COL11A1: variants seen among roughly 807,000 people sequenced by gnomAD.
COL11A1 encodes the protein collagen alpha-1(XI) chain.
COL11A1 carries 74 observed loss-of-function variants against 265.2 expected under a neutral mutation model. The ratio of observed to expected loss-of-function variants is 0.28; its 90% CI spans 0.23 to 0.34. COL11A1 has a LOEUF of 0.34. COL11A1 is among the 10% of genes least tolerant of loss of function. The pLI is 1.00. For synonymous variants in COL11A1, 816 were observed against 727.6 expected, an observed-to-expected ratio of 1.12 and a Z score of -1.96; for missense variants, 2,165 against 2,263.6, an observed-to-expected ratio of 0.96 and a Z score of 0.88.
At chr1:102,994,022 A>G (rs1476200588) in intron 28 of COL11A1, among the ~76,000 whole-genome samples, 1 of 152,130 alleles carries the variant, frequency 6.6e-6, no homozygotes, top group Non-Finnish European at 1.5e-5. Flanking sequence ...GGCCTTTTTC[A>G]TGTAATAAAT....
chr1:102,918,789 T>C (rs200432033), intron 49 of COL11A1, among the ~76,000 whole-genome samples: 5 of 152,050 alleles, frequency 3.3e-5, no homozygotes, highest in Admixed American at 2.6e-4. Flanking sequence ...TACTATAATA[T>C]ACATAGGCTT....
At chr1:102,918,575 TCAA>T (rs1023219087) in intron 49 of COL11A1, among the ~76,000 whole-genome samples, 13 of 123,972 alleles carry the variant, frequency 1.0e-4, no homozygotes, top group African/African-American at 3.0e-4. Context: ...TTAAAAAACA[TCAA>T]CAACAACAAA....
intron 64 of COL11A1, among the ~76,000 whole-genome samples, chr1:102,882,450 T>C (rs1304399368): frequency 6.6e-6 from 1 of 152,152 alleles, no homozygotes; most frequent in Non-Finnish European, 1.5e-5. Context: ...ATGGAAGTTG[T>C]TTTTTCTCCT....
chr1:102,919,641 A>C (rs1056926673), intron 49 of COL11A1, among the ~76,000 whole-genome samples: 1 of 152,030 alleles, frequency 6.6e-6, no homozygotes, highest in African/African-American at 2.4e-5. Context: ...TTCTATTAAG[A>C]AGTGAGCATG....
At chr1:103,106,002 C>T (rs561707608) in intron 1 of COL11A1, among the ~76,000 whole-genome samples, 1 of 152,276 alleles carries the variant, frequency 6.6e-6, no homozygotes, top group African/African-American at 2.4e-5. Flanking sequence ...CCAACAAAAT[C>T]TAATCCTTAT....
intron 4 of COL11A1, among the ~76,000 whole-genome samples, chr1:103,065,522 CAAAAAAA>C (rs138446065): frequency 2.8e-5 from 1 of 35,350 alleles, no homozygotes; most frequent in African/African-American, 1.4e-4. Flanking sequence ...GACTCCGTCT[CAAAAAAA>C]AAAAAAAAAA....
At chr1:102,892,588 C>T (rs1216487276) in intron 57 of COL11A1, among the ~76,000 whole-genome samples, 2 of 152,186 alleles carry the variant, frequency 1.3e-5, no homozygotes, top group Admixed American at 6.6e-5. Context: ...TCTCATAGAG[C>T]TGCTGCATGA....
At chr1:103,044,806 G>A (rs1669115124) in intron 4 of COL11A1, among the ~76,000 whole-genome samples, 1 of 151,984 alleles carries the variant, frequency 6.6e-6, no homozygotes, top group Admixed American at 6.6e-5. Flanking sequence ...CATTCTAGGA[G>A]TTTATATTCC....
intron 4 of COL11A1, among the ~76,000 whole-genome samples, chr1:103,068,383 T>C (rs1241256892): frequency 6.6e-6 from 1 of 151,672 alleles, no homozygotes; most frequent in Non-Finnish European, 1.5e-5. Flanking sequence ...AAAAGCGTTT[T>C]ATAAAATTTA....
intron 1 of COL11A1, among the ~76,000 whole-genome samples, chr1:103,098,697 T>C (rs982617185): frequency 6.6e-6 from 1 of 151,898 alleles, no homozygotes; most frequent in Admixed American, 6.6e-5. Context: ...TATTTTGAGA[T>C]AAGTATTTGA....
At position 102,970,209 on chromosome 1, in the gene COL11A1, G is replaced by T; in HGVS notation, c.2862+10C>A. 6.2e-7 allele frequency: 1 copy of T among 1,611,378 alleles called. No individual in the cohort carries two copies. Among genetic ancestry groups the T allele is most frequent in the African/African-American group, 1.3e-5 (1 of 74,958 alleles). On this transcript the variant is annotated intron_variant, in intron 37 of 66. Coordinates refer to ENST00000370096, the MANE Select transcript of COL11A1 (RefSeq NM_001854.4). ...TGGAAATTTTTAATAAGAGTAACAA[G>T]GTCACTTACAGTCTCCCCACGTTGC...
At chr1:102,927,866 ACATGTGCTGTTGG>A (rs1394862828) in intron 46 of COL11A1, among the ~76,000 whole-genome samples, 1 of 152,286 alleles carries the variant, frequency 6.6e-6, no homozygotes, top group East Asian at 1.9e-4. Flanking sequence ...TTATTGTTTA[ACATGTGCTGTTGG>A]CAGTTGCTTT....
chr1:102,882,952 T>C (rs1650440974), intron 64 of COL11A1, among the ~76,000 whole-genome samples: 1 of 152,114 alleles, frequency 6.6e-6, no homozygotes, highest in African/African-American at 2.4e-5. Flanking sequence ...TGGAAATCCA[T>C]AGAATTTTAG....
chr1:103,043,002 C>T (rs1301852887), intron 4 of COL11A1, among the ~76,000 whole-genome samples: 2 of 140,898 alleles, frequency 1.4e-5, no homozygotes, highest in African/African-American at 5.2e-5. Flanking sequence ...ATATTAAATA[C>T]ATCATATATA....
chr1:103,101,614 G>A (rs931052553), intron 1 of COL11A1, among the ~76,000 whole-genome samples: 1 of 151,798 alleles, frequency 6.6e-6, no homozygotes, highest in Non-Finnish European at 1.5e-5. Context: ...TCAAACAGAG[G>A]AAGGAAGCTT....
At chr1:103,036,979 T>A (rs141072902) in intron 4 of COL11A1, among the ~76,000 whole-genome samples, 17 of 152,168 alleles carry the variant, frequency 1.1e-4, no homozygotes, top group African/African-American at 4.1e-4. Flanking sequence ...TCTACACAGA[T>A]GATGTTCTTG....
intron 41 of COL11A1, among the ~76,000 whole-genome samples, chr1:102,948,811 G>T (rs924093036): frequency 6.6e-6 from 1 of 151,746 alleles, no homozygotes; most frequent in Admixed American, 6.6e-5. Context: ...TTGTATTACT[G>T]TTAACCAGGT....
chr1:103,108,471 C>T lies in COL11A1; in HGVS notation c.-293G>A. The T allele has an allele frequency of 3.4e-6, 2 of 595,098 alleles. No individual in the cohort carries two copies. The highest frequency in any genetic ancestry group is 6.0e-6 in the Non-Finnish European group (2 of 335,068). 36.9% of individuals were successfully genotyped at this position (595,098 alleles called of 1,614,324 possible). On this transcript the variant is annotated 5_prime_UTR_variant, in exon 1 of 67. Coordinates refer to ENST00000370096, the MANE Select transcript of COL11A1 (RefSeq NM_001854.4). ...CAGAATGAAGGCAGATGAGGGGCTT[C>T]CACCAACAAGCTGAGAGTACTGTGT...
At chr1:103,004,743 A>C in intron 18 of COL11A1, 82 bp from the exon 19 acceptor site, 1 of 1,203,576 alleles carries the variant, frequency 8.3e-7, no homozygotes, top group Non-Finnish European at 1.2e-6. Flanking sequence ...TCCAAACCAA[A>C]TAAAACAGGA....
Sources: allele counts gnomAD v4.1 joint callset (sites outside exome capture counted in the v4.1 genomes callset), GRCh38; gene constraint gnomAD v4.1.1; transcripts MANE v1.5; gene names NCBI Gene and HGNC (gene_info 2026-07-23, HGNC 2026-07-21).